The following COL18A1 variants were observed in gnomAD, a reference collection of about 807,000 sequenced individuals.
The protein encoded by COL18A1 is collagen type XVIII alpha 1 chain.
A neutral mutation model predicts 168.0 loss-of-function variants in COL18A1; 133 were observed. The ratio of observed to expected loss-of-function variants is 0.79; its 90% CI spans 0.69 to 0.91. The LOEUF (loss-of-function observed/expected upper bound fraction) is 0.91. Ranked by LOEUF, COL18A1 falls within the 40% of genes least tolerant of loss-of-function variation. The pLI is 0.00. For synonymous variants in COL18A1, 949 were observed against 809.0 expected (o/e 1.17, Z -2.94); for missense variants, 2,126 against 1,925.4 (o/e 1.10, Z -1.95).
At chr21:45,480,956 C>A in intron 13 of COL18A1, 98 bp downstream of exon 13, 2 of 1,472,736 alleles carry the variant, frequency 1.4e-6, no homozygotes, top group Non-Finnish European at 1.8e-6. Flanking sequence ...TCAGGCCTCC[C>A]CAGTCCCCGC....
intron 2 of COL18A1, chr21:45,456,831 C>G (rs1182837168): frequency 2.2e-5 from 34 of 1,516,438 alleles, no homozygotes; most frequent in Non-Finnish European, 2.9e-5. Context: ...GCCTGTGCCT[C>G]GCTCCCGACC....
rs763014835 is a variant in COL18A1, at chr21:45,477,786, C to T, written c.1042C>T (p.Pro348Ser). 13 of 1,546,854 alleles carry T rather than the reference C, an allele frequency of 8.4e-6. No individual in the cohort carries two copies. In the South Asian group the frequency reaches 1.4e-4, roughly 17 times the overall value. The change falls in exon 8 of 42, where the codon CCG becomes TCG. Residue 348 changes from proline (P) to serine (S), a missense_variant. Transcript: ENST00000651438. ...LKGQKGEPGVPGPPGRAGPPG... is the reference protein window; with the variant it reads ...LKGQKGEPGVSGPPGRAGPPG... ...GGGGCAGAAAGGGGAGCCAGGTGTT[C>T]CGGGCCCACCTGGCCGGGCAGGCCC... is the stretch of plus-strand genomic sequence containing the variant.
chr21:45,437,627 C>A (rs1283173725), intron 2 of COL18A1, among the ~76,000 whole-genome samples: 1 of 78,560 alleles, frequency 1.3e-5, no homozygotes, highest in Non-Finnish European at 2.3e-5. Flanking sequence ...CTCTCCTGCA[C>A]ACACACTCAC....
intron 14 of COL18A1, 105 bp from the exon 15 acceptor site, chr21:45,482,690 G>A (rs2035941735): frequency 2.6e-6 from 4 of 1,556,166 alleles, no homozygotes; most frequent in Non-Finnish European, 3.5e-6. Flanking sequence ...AGGCAGCAAA[G>A]CAGGGACCCG....
chr21:45,505,105 CAG>C, intron 34 of COL18A1, 27 bp from the exon 35 acceptor site: 1 of 1,603,088 alleles, frequency 6.2e-7, no homozygotes, highest in Non-Finnish European at 8.5e-7. Flanking sequence ...ACGAGGTAAC[CAG>C]GAAGCGTCTC....
chr21:45,496,495 C>G lies in COL18A1; in HGVS notation c.2509-5C>G, dbSNP rs764997257. 7.4e-7 allele frequency: 1 copy of G among 1,346,112 alleles called. No homozygotes were observed. The highest frequency in any genetic ancestry group is 1.1e-6 in the Non-Finnish European group (1 of 935,746). The allele number at this position is 1,346,112 out of a possible 1,614,324, so 83.4% of individuals were successfully genotyped here. A position where few individuals can be genotyped will look rare whatever the true frequency, so the allele number is the denominator to read the frequency against. ...AAGCCTAACAGCTCTCTGCCCTCCC[C>G]ACAGGGAATGCCCGGCCCCCCAGGA... On this transcript the variant is annotated splice_polypyrimidine_tract_variant and splice_region_variant and intron_variant, in intron 29 of 41. Coordinates refer to ENST00000651438, the MANE Select transcript of COL18A1 (RefSeq NM_001379500.1).
intron 2 of COL18A1, among the ~76,000 whole-genome samples, chr21:45,452,116 C>CCG (rs1378062801): frequency 6.6e-6 from 1 of 152,274 alleles, no homozygotes; most frequent in Non-Finnish European, 1.5e-5. Flanking sequence ...AAACCCTGGT[C>CCG]CGCACTGCTC....
In COL18A1 at chr21:45,468,420, G is replaced by A; in HGVS notation, c.285G>A (p.Leu95=). 1 of 1,614,068 alleles carries A rather than the reference G, an allele frequency of 6.2e-7. No individual in the cohort carries two copies. The highest frequency in any genetic ancestry group is 8.5e-7 in the Non-Finnish European group (1 of 1,180,032). ...TCTTCTTCCGTGACTTCTCACTGCT[G>A]TTCCACATCCGGCCAGCCACAGAGG... is the stretch of plus-strand genomic sequence containing the variant. ...PSLFFRDFSL[L]FHIRPATEGP... is the part of the protein sequence containing the mutation. The change falls in exon 3 of 42, where the codon CTG becomes CTA. Residue 95 remains leucine (L), a synonymous_variant. Transcript: ENST00000651438.
rs369274992 is a variant in COL18A1 at position 45,494,842 on chromosome 21, T to C, written c.2380-20T>C. 407 of 1,603,020 alleles carry C rather than the reference T, an allele frequency of 2.5e-4. No homozygotes were observed. Among genetic ancestry groups the C allele is most frequent in the Admixed American group, 5.4e-4 (32 of 58,940 alleles). ...GGGCCAGGGTCTGCCCCACTAAGCC[T>C]GGCCCCCTTCCTCTTGCAGGGTCCA... On this transcript the variant is annotated intron_variant, in intron 27 of 41. Transcript: ENST00000651438.
intron 29 of COL18A1, chr21:45,495,869 C>T (rs1436472233): frequency 6.3e-6 from 2 of 319,004 alleles, no homozygotes; most frequent in Admixed American, 8.5e-5. Context: ...GTGCACGTAT[C>T]CACATGTGTA....
intron 2 of COL18A1, chr21:45,456,291 G>C (rs557208339): frequency 1.9e-6 from 3 of 1,563,956 alleles, no homozygotes. Flanking sequence ...CAGCTCCAAC[G>C]CCCTGACGTC....
At chr21:45,418,543 A>G (rs1043132596) in intron 2 of COL18A1, among the ~76,000 whole-genome samples, 4 of 152,080 alleles carry the variant, frequency 2.6e-5, no homozygotes, top group Non-Finnish European at 5.9e-5. Flanking sequence ...ATCACTGCAG[A>G]GGCTGCCTCC....
intron 2 of COL18A1, among the ~76,000 whole-genome samples, chr21:45,418,627 C>T (rs1051659108): frequency 8.8e-6 from 1 of 113,106 alleles, no homozygotes; most frequent in Admixed American, 9.1e-5. Context: ...CTGCTGACCC[C>T]ACCGTGTCCA....
chr21:45,417,691 G>A (rs1022669360), intron 2 of COL18A1, among the ~76,000 whole-genome samples: 4 of 152,180 alleles, frequency 2.6e-5, no homozygotes, highest in East Asian at 1.9e-4. Flanking sequence ...TGGGGTGACC[G>A]CTCTCGGCCG....
chr21:45,492,714 G>T lies in COL18A1; in HGVS notation c.2214+1G>T. 3 of 1,606,762 alleles carry T rather than the reference G, an allele frequency of 1.9e-6. No homozygotes were observed. The highest frequency in any genetic ancestry group is 2.5e-6 in the Non-Finnish European group (3 of 1,177,336). On this transcript the variant is annotated splice_donor_variant, in intron 24 of 41. Transcript: ENST00000651438. LOFTEE classifies it high-confidence loss of function. Reference sequence around the variant, plus strand: ...CCGGCCGGGTTTCGCAGGCTTTCCCGTGAGTAACCTGGTGCCAGAGCTGCA... The same window carrying T: ...CCGGCCGGGTTTCGCAGGCTTTCCCTTGAGTAACCTGGTGCCAGAGCTGCA...
chr21:45,476,204 CG>C (rs2145918340), intron 5 of COL18A1, 146 bp from the exon 6 acceptor site: 2 of 1,209,662 alleles, frequency 1.7e-6, no homozygotes, highest in East Asian at 5.2e-5. Context: ...GGAAGCCCCT[CG>C]CGCACGGCCC....
chr21:45,405,298 C>CCCGGGGGTCCCGGGGCTCGGCCGGGTCCT lies in COL18A1; in HGVS notation c.11+57_11+58insCCGGGGGTCCCGGGGCTCGGCCGGGTCCT. ...GACGCCAAGATGCGGCTGCGGGGGTCGCGGGGGTCGCGGGGCTCGGCCGGG... is the reference window on the plus strand; with the variant it reads ...GACGCCAAGATGCGGCTGCGGGGGTCCCGGGGGTCCCGGGGCTCGGCCGGGTCCTGCGGGGGTCGCGGGGCTCGGCCGGG... On this transcript the variant is annotated intron_variant, in intron 1 of 41. Transcript: ENST00000651438. 11 of 522,010 alleles carry CCCGGGGGTCCCGGGGCTCGGCCGGGTCCT rather than the reference C, an allele frequency of 2.1e-5. 1 individual carries two copies. The East Asian group carries it at 2.1e-4, about 10-fold the overall frequency. 32.3% of individuals were successfully genotyped at this position (522,010 alleles called of 1,614,324 possible).
At chr21:45,462,006 C>T (rs2035065541) in intron 2 of COL18A1, among the ~76,000 whole-genome samples, 2 of 152,264 alleles carry the variant, frequency 1.3e-5, no homozygotes, top group Middle Eastern at 3.4e-3. Context: ...CAATTTCTCC[C>T]TCACTTTTGA....
At chr21:45,490,717 C>T in intron 20 of COL18A1, 119 bp from the exon 21 acceptor site, 1 of 1,134,910 alleles carries the variant, frequency 8.8e-7, no homozygotes, top group Non-Finnish European at 1.3e-6. Context: ...TGCCTCCCTC[C>T]CAGGCCCCAG....
Sources: allele counts gnomAD v4.1 joint callset (sites outside exome capture counted in the v4.1 genomes callset), GRCh38; gene constraint gnomAD v4.1.1; transcripts MANE v1.5; gene names NCBI Gene and HGNC (gene_info 2026-07-23, HGNC 2026-07-21).